RBFOX1: variants seen among roughly 807,000 people sequenced by gnomAD.
RBFOX1 encodes RNA binding fox-1 homolog 1.
A neutral mutation model predicts 57.7 loss-of-function variants in RBFOX1; 8 were observed. The ratio of observed to expected loss-of-function variants is 0.14; its 90% CI spans 0.08 to 0.25. The LOEUF is 0.25. Among genes scored for constraint, RBFOX1 ranks in the 10% least tolerant of loss-of-function variants. The pLI is 1.00. For missense variants in RBFOX1, 611 were observed against 548.5 expected, an observed-to-expected ratio of 1.11 and a Z score of -1.14; for synonymous variants, 326 against 222.4, an observed-to-expected ratio of 1.47 and a Z score of -4.15.
intron 9 of RBFOX1, among the ~76,000 whole-genome samples, chr16:7,597,813 C>T (rs987394753): frequency 6.6e-6 from 1 of 152,202 alleles, no homozygotes; most frequent in African/African-American, 2.4e-5. Flanking sequence ...CCTGGACGTG[C>T]AGTCACGTAA....
chr16:7,048,274 G>A (rs956491183), intron 3 of RBFOX1, among the ~76,000 whole-genome samples: 1 of 151,260 alleles, frequency 6.6e-6, no homozygotes, highest in Non-Finnish European at 1.5e-5. Context: ...TTGTTTGTTT[G>A]TTTTCGATGG....
At chr16:6,409,728 C>G (rs2093397727) in intron 2 of RBFOX1, among the ~76,000 whole-genome samples, 1 of 152,178 alleles carries the variant, frequency 6.6e-6, no homozygotes, top group Non-Finnish European at 1.5e-5. Context: ...AAACCACTGT[C>G]TTAAGCCAGC....
At chr16:7,591,818 TC>T (rs1302467472) in intron 7 of RBFOX1, among the ~76,000 whole-genome samples, 1 of 152,178 alleles carries the variant, frequency 6.6e-6, no homozygotes, top group Non-Finnish European at 1.5e-5. Context: ...AAAATATTCA[TC>T]ATCTTTTTAA....
At chr16:6,985,227 C>G (rs773617211) in intron 3 of RBFOX1, among the ~76,000 whole-genome samples, 2 of 151,984 alleles carry the variant, frequency 1.3e-5, no homozygotes, top group East Asian at 1.9e-4. Context: ...TTTCTCTGGC[C>G]TCTTGTCTTT....
chr16:6,854,445 T>G (rs570353785), intron 3 of RBFOX1, among the ~76,000 whole-genome samples: 42 of 152,168 alleles, frequency 2.8e-4, no homozygotes, highest in Non-Finnish European at 4.9e-4. Context: ...TGATGGAAAT[T>G]CAATGGCATG....
At chr16:5,508,877 G>T (rs2043474997) in intron 2 of RBFOX1, among the ~76,000 whole-genome samples, 1 of 152,184 alleles carries the variant, frequency 6.6e-6, no homozygotes. Flanking sequence ...GGACCCGGAG[G>T]CTGTTCCTAC....
At chr16:7,537,121 C>T (rs2081655079) in intron 5 of RBFOX1, among the ~76,000 whole-genome samples, 1 of 152,146 alleles carries the variant, frequency 6.6e-6, no homozygotes. Context: ...ATGATCTGAC[C>T]ACCATGTGGA....
chr16:6,982,104 C>T (rs189093232), intron 3 of RBFOX1, among the ~76,000 whole-genome samples: 78 of 152,180 alleles, frequency 5.1e-4, no homozygotes, highest in Middle Eastern at 6.8e-3. Flanking sequence ...ATGTGGCCCC[C>T]GCACCAATGA....
At position 5,556,667 on chromosome 16, in the gene RBFOX1, C is replaced by T. The variant is rs113541299; in HGVS notation, c.259-42235C>T. On this transcript the variant is annotated intron_variant, in intron 2 of 2. Transcript: ENST00000585867. Reference sequence around the variant, plus strand: ...GCGGCTGCAGACTGACTCTCACCCTCGGGCACCTTCCATGTGATACTCTTT... The same window carrying T: ...GCGGCTGCAGACTGACTCTCACCCTTGGGCACCTTCCATGTGATACTCTTT... 3.6e-3 allele frequency among the ~76,000 whole-genome samples: 551 copies of T among 152,288 alleles called. 9 individuals are homozygous for T. The highest frequency in any genetic ancestry group is 0.013 in the African/African-American group (527 of 41,560).
At chr16:7,392,854 GGTTTGTTTGTTT>G (rs71391628) in intron 4 of RBFOX1, among the ~76,000 whole-genome samples, 20 of 123,080 alleles carry the variant, frequency 1.6e-4, no homozygotes, top group African/African-American at 3.0e-4. Context: ...GGTTTGGTTT[GGTTTGTTTGTTT>G]GTTTGTTTGT....
intron 4 of RBFOX1, among the ~76,000 whole-genome samples, chr16:7,411,520 A>G (rs969234403): frequency 3.9e-5 from 6 of 152,186 alleles, no homozygotes; most frequent in Admixed American, 6.5e-5. Context: ...CCCCAAATCT[A>G]TAACCCCAGT....
chr16:7,182,409 TTCG>T (rs2082903282), intron 4 of RBFOX1, among the ~76,000 whole-genome samples: 1 of 152,208 alleles, frequency 6.6e-6, no homozygotes, highest in Admixed American at 6.5e-5. Flanking sequence ...GCCTGATGAA[TTCG>T]TTCATGTTCT....
intron 2 of RBFOX1, among the ~76,000 whole-genome samples, chr16:6,578,383 C>A (rs557335265): frequency 1.3e-5 from 2 of 152,150 alleles, no homozygotes; most frequent in Non-Finnish European, 2.9e-5. Context: ...TGTTGTGATT[C>A]ATGACCTTAT....
intron 2 of RBFOX1, among the ~76,000 whole-genome samples, chr16:6,543,827 A>G (rs1287610449): frequency 6.6e-6 from 1 of 152,164 alleles, no homozygotes; most frequent in Non-Finnish European, 1.5e-5. Context: ...AAGAAGCCAC[A>G]TCTTTCCAGA....
At chr16:7,067,332 C>T (rs1162921868) in intron 4 of RBFOX1, among the ~76,000 whole-genome samples, 1 of 152,016 alleles carries the variant, frequency 6.6e-6, no homozygotes, top group African/African-American at 2.4e-5. Context: ...GTTTATAGAA[C>T]ACAAATTTAC....
chr16:6,519,338 T>G (rs62015465), intron 2 of RBFOX1, among the ~76,000 whole-genome samples: 12,375 of 152,176 alleles, frequency 0.081, 1,339 homozygotes, highest in African/African-American at 0.25. Flanking sequence ...TACTTCCTTT[T>G]GGAGAAGAAA....
At chr16:7,310,497 G>C (rs913062841) in intron 4 of RBFOX1, among the ~76,000 whole-genome samples, 6 of 152,130 alleles carry the variant, frequency 3.9e-5, no homozygotes, top group African/African-American at 1.4e-4. Flanking sequence ...AGCACCCAGA[G>C]TCCTGTTGGT....
chr16:6,612,962 G>C (rs866928237), intron 2 of RBFOX1, among the ~76,000 whole-genome samples: 1 of 151,644 alleles, frequency 6.6e-6, no homozygotes. Flanking sequence ...CCCCCGTACA[G>C]TTCACGTGCC....
At chr16:7,405,933 T>C (rs1338358689) in intron 4 of RBFOX1, among the ~76,000 whole-genome samples, 3 of 152,136 alleles carry the variant, frequency 2.0e-5, no homozygotes, top group African/African-American at 7.2e-5. Context: ...TTTTTAGTTG[T>C]CACGACTGGG....
Sources: gnomAD v4.1 joint callset for allele counts (sites outside exome capture counted in the v4.1 genomes callset) on GRCh38, gnomAD v4.1.1 for gene constraint, MANE v1.5 for transcripts, NCBI Gene and HGNC (gene_info 2026-07-23, HGNC 2026-07-21) for gene names.